The following VRK2 variants were observed in gnomAD, a reference collection of about 807,000 sequenced individuals.
VRK2 encodes the protein serine/threonine-protein kinase VRK2.
In VRK2, 60 loss-of-function variants were observed where a neutral mutation model predicts 57.6. The observed-to-expected ratio is 1.04, with a 90% CI of 0.85 to 1.29. The LOEUF is 1.29. Among genes scored for constraint, VRK2 ranks in the 50% most tolerant of loss-of-function variants. VRK2 has a pLI of 0.00. For synonymous variants in VRK2, 231 were observed against 199.2 expected, an observed-to-expected ratio of 1.16 and a Z score of -1.35; for missense variants, 705 against 588.1, an observed-to-expected ratio of 1.20 and a Z score of -2.06.
chr2:58,113,117 T>C (rs1160302784), intron 7 of VRK2, among the ~76,000 whole-genome samples: 3 of 152,078 alleles, frequency 2.0e-5, no homozygotes, highest in Admixed American at 6.5e-5. Context: ...CAGACTAGCC[T>C]GGCCAACATG....
chr2:58,018,845 T>A (rs952182835), intron 1 of VRK2, among the ~76,000 whole-genome samples: 1 of 152,180 alleles, frequency 6.6e-6, no homozygotes, highest in Non-Finnish European at 1.5e-5. Flanking sequence ...TTGTTCCATC[T>A]GCCTGAAATG....
At chr2:58,137,126 T>TATATATC (rs1353284442) in intron 10 of VRK2, among the ~76,000 whole-genome samples, 6 of 66,910 alleles carry the variant, frequency 9.0e-5, no homozygotes, top group African/African-American at 1.2e-4. Flanking sequence ...CATATATGTG[T>TATATATC]ATATATCATA....
intron 1 of VRK2, among the ~76,000 whole-genome samples, chr2:57,927,301 A>T (rs1375592686): frequency 6.9e-6 from 1 of 145,694 alleles, no homozygotes; most frequent in Non-Finnish European, 1.5e-5. Flanking sequence ...TTTTGAGATG[A>T]AGTCTCGCTC....
chr2:58,125,308 T>A (rs916643896), intron 8 of VRK2, among the ~76,000 whole-genome samples: 1 of 152,276 alleles, frequency 6.6e-6, no homozygotes, highest in East Asian at 1.9e-4. Flanking sequence ...ACCTATTCAA[T>A]TAATTTCATT....
At chr2:57,960,934 AGCTCTTCCAC>A (rs753855353) in intron 1 of VRK2, among the ~76,000 whole-genome samples, 3 of 152,246 alleles carry the variant, frequency 2.0e-5, no homozygotes, top group Non-Finnish European at 4.4e-5. Flanking sequence ...TTCTGTTACC[AGCTCTTCCAC>A]TGGGTAGCAT....
chr2:58,135,796 G>T (rs1679923454), intron 10 of VRK2, among the ~76,000 whole-genome samples: 1 of 152,064 alleles, frequency 6.6e-6, no homozygotes, highest in Non-Finnish European at 1.5e-5. Context: ...GTATAAAATA[G>T]CACGTCAACT....
At chr2:58,051,105 G>C (rs574560297) in intron 2 of VRK2, among the ~76,000 whole-genome samples, 111 of 152,216 alleles carry the variant, frequency 7.3e-4, no homozygotes, top group African/African-American at 2.6e-3. Context: ...TCGGCCTCCC[G>C]AAGTGTTGGG....
At chr2:57,920,307 T>G (rs1046204507) in intron 1 of VRK2, among the ~76,000 whole-genome samples, 2 of 152,124 alleles carry the variant, frequency 1.3e-5, no homozygotes, top group South Asian at 4.1e-4. Flanking sequence ...TTGGACTTAT[T>G]ATTCTTTAAT....
intron 1 of VRK2, among the ~76,000 whole-genome samples, chr2:57,972,643 C>G (rs576249137): frequency 6.6e-6 from 1 of 151,708 alleles, no homozygotes; most frequent in Non-Finnish European, 1.5e-5. Flanking sequence ...TGTTTGTATT[C>G]TTTGTCTTAA....
At chr2:57,958,271 C>T (rs930271703) in intron 1 of VRK2, among the ~76,000 whole-genome samples, 1 of 152,016 alleles carries the variant, frequency 6.6e-6, no homozygotes, top group African/African-American at 2.4e-5. Context: ...TATAATGAAA[C>T]CTTTTTATCA....
intron 11 of VRK2, among the ~76,000 whole-genome samples, chr2:58,142,209 T>C (rs570256758): frequency 2.6e-5 from 4 of 152,088 alleles, no homozygotes; most frequent in South Asian, 2.1e-4. Context: ...ATGAAACTTA[T>C]ACAGAGGGAA....
chr2:57,988,274 TC>T lies in VRK2; in HGVS notation c.-438-37390del, dbSNP rs1572940992. Among the ~76,000 whole-genome samples, 3 of 152,256 alleles carry T rather than the reference TC, an allele frequency of 2.0e-5. No homozygotes were observed. In the East Asian group the frequency reaches 5.8e-4, roughly 29 times the overall value. ...TCAAAATATTTATGTTAAAATCTCT[TC>T]ACATAGTTTTATGATTTCTACTTCT... On this transcript the variant is annotated intron_variant, in intron 1 of 15. Transcript: ENST00000417641.
At chr2:57,959,740 C>T (rs72947177) in intron 1 of VRK2, among the ~76,000 whole-genome samples, 2,248 of 152,260 alleles carry the variant, frequency 0.015, 86 homozygotes, top group African/African-American at 0.052. Context: ...CAGGTCCCTA[C>T]CAGGCCTTAT....
intron 1 of VRK2, chr2:58,048,559 A>C: frequency 7.2e-7 from 1 of 1,393,144 alleles, no homozygotes; most frequent in Non-Finnish European, 9.5e-7. Flanking sequence ...GTGCTATAGA[A>C]CCCCGAAATG....
At chr2:58,118,440 A>C (rs1312734276) in intron 7 of VRK2, among the ~76,000 whole-genome samples, 2 of 152,346 alleles carry the variant, frequency 1.3e-5, no homozygotes, top group Non-Finnish European at 1.5e-5. Context: ...AAATGAAAGG[A>C]ATTGAAATTA....
chr2:58,113,312 C>CA (rs60456089), intron 7 of VRK2, among the ~76,000 whole-genome samples: 7,473 of 82,098 alleles, frequency 0.091, 743 homozygotes, highest in African/African-American at 0.26. Context: ...AACTCCGTCT[C>CA]AAAAAAAAAA....
At position 57,990,444 on chromosome 2, in the gene VRK2, C is replaced by T. The variant is rs149365234; in HGVS notation, c.-438-35221C>T. Reference sequence around the variant, plus strand: ...ACTGAGCTGAAAGAAAAGAATTATTCAGGGTAAATATTGTCCAGATGATAG... The same window carrying T: ...ACTGAGCTGAAAGAAAAGAATTATTTAGGGTAAATATTGTCCAGATGATAG... On this transcript the variant is annotated intron_variant, in intron 1 of 15. Coordinates refer to the VRK2 transcript ENST00000417641. Among the ~76,000 whole-genome samples, 616 of 152,256 alleles carry T rather than the reference C, an allele frequency of 4.0e-3. 1 individual carries two copies. Among genetic ancestry groups the T allele is most frequent in the Non-Finnish European group, 7.1e-3 (484 of 68,008 alleles).
chr2:58,119,252 C>G (rs1317827461), intron 7 of VRK2, among the ~76,000 whole-genome samples: 1 of 151,460 alleles, frequency 6.6e-6, no homozygotes. Flanking sequence ...AATCCCAGCA[C>G]TTTGGGAGAC....
intron 6 of VRK2, among the ~76,000 whole-genome samples, chr2:58,089,135 G>A (rs1301462237): frequency 6.6e-6 from 1 of 152,156 alleles, no homozygotes; most frequent in East Asian, 1.9e-4. Context: ...CAAGGCTGAA[G>A]GGCTTTAGAG....
Sources: gnomAD v4.1 joint callset for allele counts (sites outside exome capture counted in the v4.1 genomes callset) on GRCh38, gnomAD v4.1.1 for gene constraint, MANE v1.5 for transcripts, NCBI Gene and HGNC (gene_info 2026-07-23, HGNC 2026-07-21) for gene names.